The following WIPF1 variants were observed in gnomAD, a reference collection of about 807,000 sequenced individuals.
WIPF1 encodes the protein WAS/WASL-interacting protein family member 1.
WIPF1 carries 13 observed loss-of-function variants against 35.4 expected under a neutral mutation model. The ratio of observed to expected loss-of-function variants is 0.37; its 90% CI spans 0.24 to 0.58. WIPF1 has a LOEUF of 0.58. Among genes scored for constraint, WIPF1 ranks in the 20% least tolerant of loss-of-function variants. The probability of loss-of-function intolerance (pLI) is 0.74; values close to 1 mark genes in which losing one functional copy is unlikely to be tolerated. For missense variants in WIPF1, 591 were observed against 667.0 expected (o/e 0.89, Z 1.25); for synonymous variants, 267 against 266.3 (o/e 1.00, Z -0.02).
At chr2:174,576,637 G>GCAAA (rs1185098131) in intron 3 of WIPF1, among the ~76,000 whole-genome samples, 3 of 152,016 alleles carry the variant, frequency 2.0e-5, no homozygotes, top group African/African-American at 4.8e-5. Flanking sequence ...TTGATGGGAG[G>GCAAA]CAAACAAACA....
At chr2:174,665,357 G>T (rs953132847) in intron 1 of WIPF1, 2 of 152,212 alleles carry the variant, frequency 1.3e-5, no homozygotes, top group African/African-American at 4.8e-5. Context: ...TTAAGACTTG[G>T]CCTCCTAACT....
chr2:174,665,392 T>A (rs916178951), intron 1 of WIPF1: 2 of 152,238 alleles, frequency 1.3e-5, no homozygotes, highest in African/African-American at 4.8e-5. Flanking sequence ...TTCTCCACTC[T>A]CTTCCTTGGC....
At chr2:174,663,640 A>C (rs1203962915) in intron 1 of WIPF1, among the ~76,000 whole-genome samples, 2 of 152,248 alleles carry the variant, frequency 1.3e-5, no homozygotes, top group Non-Finnish European at 2.9e-5. Flanking sequence ...ATGGGAAAGC[A>C]AATTGCACGA....
At chr2:174,661,827 G>A (rs897523298) in intron 1 of WIPF1, among the ~76,000 whole-genome samples, 3 of 152,190 alleles carry the variant, frequency 2.0e-5, no homozygotes, top group Non-Finnish European at 2.9e-5. Context: ...GACCACCTTG[G>A]AGAGCTGGGT....
intron 1 of WIPF1, among the ~76,000 whole-genome samples, chr2:174,668,047 G>A (rs1265812854): frequency 6.6e-6 from 1 of 152,146 alleles, no homozygotes; most frequent in Non-Finnish European, 1.5e-5. Flanking sequence ...CCAGCCCTAC[G>A]TCTTGTTACG....
chr2:174,563,692 G>T (rs183867301), intron 7 of WIPF1, among the ~76,000 whole-genome samples: 5 of 152,208 alleles, frequency 3.3e-5, no homozygotes, highest in Non-Finnish European at 5.9e-5. Context: ...GATTTAACAG[G>T]TGTTTGGCAT....
chr2:174,637,089 T>C (rs538552362), intron 1 of WIPF1, among the ~76,000 whole-genome samples: 2 of 152,374 alleles, frequency 1.3e-5, no homozygotes, highest in African/African-American at 4.8e-5. Context: ...CATTTATTTA[T>C]ACCAGTATGG....
At chr2:174,668,060 T>C (rs1351218116) in intron 1 of WIPF1, among the ~76,000 whole-genome samples, 1 of 152,130 alleles carries the variant, frequency 6.6e-6, no homozygotes, top group Non-Finnish European at 1.5e-5. Context: ...TTGTTACGTT[T>C]TGTACCTGAA....
chr2:174,618,382 A>G (rs908618203), intron 1 of WIPF1, among the ~76,000 whole-genome samples: 1 of 152,254 alleles, frequency 6.6e-6, no homozygotes, highest in African/African-American at 2.4e-5. Flanking sequence ...CACTAGGGAA[A>G]CAAGAGCAGG....
At chr2:174,666,385 C>T (rs1409907169) in intron 1 of WIPF1, among the ~76,000 whole-genome samples, 1 of 152,212 alleles carries the variant, frequency 6.6e-6, no homozygotes, top group Admixed American at 6.5e-5. Context: ...CAAATTAGGA[C>T]TGAGTTTATT....
intron 1 of WIPF1, among the ~76,000 whole-genome samples, chr2:174,679,695 T>C (rs1210649906): frequency 6.6e-6 from 1 of 152,172 alleles, no homozygotes; most frequent in Non-Finnish European, 1.5e-5. Context: ...TTAAAGTGTA[T>C]TAAGCAGAAT....
intron 1 of WIPF1, among the ~76,000 whole-genome samples, chr2:174,670,963 C>T (rs1688005092): frequency 1.3e-5 from 2 of 152,196 alleles, no homozygotes; most frequent in Admixed American, 1.3e-4. Context: ...CACATACTGA[C>T]ACATAAAATG....
intron 1 of WIPF1, among the ~76,000 whole-genome samples, chr2:174,624,906 G>A (rs1248383129): frequency 6.6e-6 from 1 of 152,182 alleles, no homozygotes; most frequent in East Asian, 1.9e-4. Context: ...GAAGGCTACT[G>A]GTGTGGAAGC....
chr2:174,669,692 T>G (rs181695934), intron 1 of WIPF1, among the ~76,000 whole-genome samples: 1 of 152,102 alleles, frequency 6.6e-6, no homozygotes, highest in Middle Eastern at 3.2e-3. Flanking sequence ...CTGGCCAACA[T>G]AGCAATACTC....
intron 6 of WIPF1, among the ~76,000 whole-genome samples, chr2:174,567,384 G>C (rs1463362487): frequency 6.6e-6 from 1 of 152,238 alleles, no homozygotes; most frequent in Non-Finnish European, 1.5e-5. Flanking sequence ...GCAAATCAAA[G>C]CAAAGTGGTT....
intron 1 of WIPF1, among the ~76,000 whole-genome samples, chr2:174,646,773 C>T (rs1222764810): frequency 5.3e-5 from 8 of 152,010 alleles, no homozygotes; most frequent in Admixed American, 5.2e-4. Context: ...ACCACCACAC[C>T]CAGCTAATTT....
chr2:174,575,623 T>C (rs1388876921), intron 3 of WIPF1, among the ~76,000 whole-genome samples: 2 of 152,220 alleles, frequency 1.3e-5, no homozygotes, highest in African/African-American at 2.4e-5. Context: ...CACTCCCCAC[T>C]TGACTGGCTG....
rs2105804511 is a variant in WIPF1, at chr2:174,571,415, C to T, written c.1129+261G>A. 3 of 614,724 alleles carry T rather than the reference C, an allele frequency of 4.9e-6. No individual in the cohort carries two copies. In the South Asian group the frequency reaches 5.9e-5, roughly 12 times the overall value. 38.1% of individuals were successfully genotyped at this position (614,724 alleles called of 1,614,324 possible). On this transcript the variant is annotated intron_variant, in intron 5 of 7. Coordinates refer to ENST00000679041, the MANE Select transcript of WIPF1 (RefSeq NM_001375834.1). The surrounding 1 kb of genome is among the most constrained non-coding windows in gnomAD (Gnocchi z 4.6). ...TGGAAGATGAAAGTTCTTGCCTCTT[C>T]TTTATTAACTAGCTCGTGACCATTT... is the stretch of plus-strand genomic sequence containing the variant.
intron 1 of WIPF1, among the ~76,000 whole-genome samples, chr2:174,667,592 C>G (rs1396593601): frequency 6.6e-6 from 1 of 152,242 alleles, no homozygotes; most frequent in Non-Finnish European, 1.5e-5. Context: ...GGTCAACTTT[C>G]AGCTCTGATC....
Sources: gnomAD v4.1 joint callset for allele counts (sites outside exome capture counted in the v4.1 genomes callset) on GRCh38, gnomAD v4.1.1 for gene constraint, Gnocchi (gnomAD v3.1) non-coding constraint, MANE v1.5 for transcripts, NCBI Gene and HGNC (gene_info 2026-07-23, HGNC 2026-07-21) for gene names.